PROM2: variants seen among roughly 807,000 people sequenced by gnomAD.
PROM2 encodes prominin 2.
PROM2 carries 90 observed loss-of-function variants against 110.2 expected under a neutral mutation model. That is an observed-to-expected ratio of 0.82 (90% CI 0.69 to 0.97). The LOEUF (loss-of-function observed/expected upper bound fraction) is 0.97. Ranked by LOEUF, PROM2 falls within the 50% of genes least tolerant of loss-of-function variation. The pLI is 0.00. For missense variants in PROM2, 1,009 were observed against 1,074.8 expected, an observed-to-expected ratio of 0.94 and a Z score of 0.86; for synonymous variants, 470 against 467.8, an observed-to-expected ratio of 1.00 and a Z score of -0.06.
Position 95,274,764 on chromosome 2 carries a change from T to TGGACTCCC in PROM2, c.180_187dup (p.Leu63ArgfsTer25). On this transcript the variant is annotated frameshift_variant, in exon 1 of 24. Coordinates refer to ENST00000317620, the MANE Select transcript of PROM2 (RefSeq NM_001165978.3). LOFTEE classifies it high-confidence loss of function. ...CCTCGAGTTCGTGCGCCAGGACTCC[T>TGGACTCCC]GGACTCCCTCTATGGCACCGTGCGC... 6.2e-7 allele frequency: 1 copy of TGGACTCCC among 1,611,410 alleles called. No individual in the cohort carries two copies.
rs1266758147 is a variant in PROM2 at position 95,276,175 on chromosome 2, C to G, written c.497+43C>G. 1.2e-6 allele frequency: 2 copies of G among 1,612,392 alleles called. No individual in the cohort carries two copies. Among genetic ancestry groups the G allele is most frequent in the Non-Finnish European group, 1.7e-6 (2 of 1,179,058 alleles). On this transcript the variant is annotated intron_variant, in intron 3 of 23. Transcript: ENST00000317620. This position sits in a 1 kb window ranked among gnomAD's most constrained non-coding sequence, Gnocchi z 4.6. ...GCCCGGGTAGGGCGGGCTGTGGCCCCCAGGCTCCCTCTTACCCAGCAAGCA... is the reference window on the plus strand; with the variant it reads ...GCCCGGGTAGGGCGGGCTGTGGCCCGCAGGCTCCCTCTTACCCAGCAAGCA...
intron 11 of PROM2, among the ~76,000 whole-genome samples, chr2:95,280,401 A>C (rs1033894202): frequency 6.6e-6 from 1 of 151,948 alleles, no homozygotes; most frequent in Non-Finnish European, 1.5e-5. Flanking sequence ...GCTGAAATCC[A>C]CCCCATGTTT....
rs1187498116 is a variant in PROM2 at position 95,277,948 on chromosome 2, G to A, written c.994G>A (p.Val332Ile). 1 of 1,612,542 alleles carries A rather than the reference G, an allele frequency of 6.2e-7. No homozygotes were observed. Among genetic ancestry groups the A allele is most frequent in the Non-Finnish European group, 8.5e-7 (1 of 1,179,576 alleles). The change falls in exon 8 of 24, where the codon GTC (valine) becomes ATC (isoleucine). Residue 332 changes from valine (V) to isoleucine (I), a missense_variant. Val to Ile is a conservative substitution (Grantham distance 29, BLOSUM62 3). Transcript: ENST00000317620. ...DFSQVPSVDH[V>I]LHQLKGVPEA... ...ATTTCAGGTGCCCTCTGTGGACCAT[G>A]TCCTGCACCAGCTAAAAGGTGTCCC...
intron 18 of PROM2, 43 bp from the exon 19 acceptor site, chr2:95,287,090 G>A: frequency 1.9e-6 from 3 of 1,543,228 alleles, no homozygotes; most frequent in Non-Finnish European, 1.8e-6. Flanking sequence ...ATGAATGGAT[G>A]CGTGAATGTG....
Position 95,275,110 on chromosome 2 carries a change from T to TGGGTTGG in PROM2, c.244+283_244+289dup. On this transcript the variant is annotated intron_variant, in intron 1 of 23. Transcript: ENST00000317620. This position sits in a 1 kb window ranked among gnomAD's most constrained non-coding sequence, Gnocchi z 4.4. ...GACATCCTCTTAGTCTATCGGTGCT[T>TGGGTTGG]GGGTTGGGTGGTCCAGGAGTGTCTG... The TGGGTTGG allele has an allele frequency of 4.2e-6, 2 of 480,874 alleles. No homozygotes were observed. The highest frequency in any genetic ancestry group is 3.6e-6 in the Non-Finnish European group (1 of 276,044). The allele number at this position is 480,874 out of a possible 1,614,324, so 29.8% of individuals were successfully genotyped here. A position where few individuals can be genotyped will look rare whatever the true frequency, so the allele number is the denominator to read the frequency against.
At chr2:95,283,812 C>T (rs866711050) in intron 14 of PROM2, among the ~76,000 whole-genome samples, 1 of 128,270 alleles carries the variant, frequency 7.8e-6, no homozygotes, top group African/African-American at 3.0e-5. Flanking sequence ...CATTCATTCA[C>T]ACAGCTAACA....
Position 95,285,051 on chromosome 2 carries a change from G to A in PROM2, c.1811G>A (p.Arg604Gln), listed in dbSNP as rs752468517. The change falls in exon 15 of 24, where the codon CGG (arginine) becomes CAG (glutamine). Residue 604 changes from arginine to glutamine, a missense_variant. Physicochemically the swap from Arg to Gln is conservative, Grantham distance 43. Transcript: ENST00000317620. ...SLDLLSSAARRDLEALQSSGL... is the reference protein window; with the variant it reads ...SLDLLSSAARQDLEALQSSGL... ...GACCTGCTGAGCTCAGCCGCCCGCC[G>A]GGACCTGGAGGCCCTGCAGAGCAGT... 1.4e-5 allele frequency: 23 copies of A among 1,597,604 alleles called. No homozygotes were observed. Among genetic ancestry groups the A allele is most frequent in the African/African-American group, 6.7e-5 (5 of 74,840 alleles).
In PROM2 at chr2:95,290,678, C is replaced by T. The variant is rs1317721146; in HGVS notation, c.*1465C>T. 1 of 152,202 alleles carries T rather than the reference C, an allele frequency of 6.6e-6. No individual in the cohort carries two copies. The highest frequency in any genetic ancestry group is 1.5e-5 in the Non-Finnish European group (1 of 68,044). The allele number at this position is 152,202 out of a possible 1,614,324, so 9.4% of individuals were successfully genotyped here. A position where few individuals can be genotyped will look rare whatever the true frequency, so the allele number is the denominator to read the frequency against. ...ACAAATGCTCAGTGGATGGAAGCTG[C>T]CTATTATTATTGTCGTTGTTGTTGT... On this transcript the variant is annotated 3_prime_UTR_variant, in exon 24 of 24. Transcript: ENST00000317620.
At chr2:95,285,553 C>A in intron 15 of PROM2, 86 bp from the exon 16 acceptor site, 1 of 1,104,092 alleles carries the variant, frequency 9.1e-7, no homozygotes, top group African/African-American at 1.6e-5. Flanking sequence ...TTTGATAAGA[C>A]TGGGGATTTG....
intron 22 of PROM2, 89 bp from the exon 23 acceptor site, chr2:95,288,844 G>A: frequency 7.4e-7 from 1 of 1,354,354 alleles, no homozygotes; most frequent in Non-Finnish European, 1.1e-6. Context: ...CTTCCGAGGA[G>A]AAACCCTCAG....
Position 95,289,306 on chromosome 2 carries a change from C to G in PROM2, c.*93C>G, listed in dbSNP as rs1011127488. 6.6e-6 allele frequency: 3 copies of G among 456,610 alleles called. No homozygotes were observed. The highest frequency in any genetic ancestry group is 1.2e-5 in the Non-Finnish European group (3 of 247,144). The allele number at this position is 456,610 out of a possible 1,614,324, so 28.3% of individuals were successfully genotyped here. Reference sequence around the variant, plus strand: ...CTTCGGTAGCTCTTGCCCCAGAGCCCAGGCTGGCATCCAGGCCTGGACTGT... The same window carrying G: ...CTTCGGTAGCTCTTGCCCCAGAGCCGAGGCTGGCATCCAGGCCTGGACTGT... On this transcript the variant is annotated 3_prime_UTR_variant, in exon 24 of 24. Coordinates refer to ENST00000317620, the MANE Select transcript of PROM2 (RefSeq NM_001165978.3).
Position 95,281,912 on chromosome 2 carries a change from GCCCCATCCCCAGTTTGCAGACA to G in PROM2, c.1552-7_1566del. ...CCCCGCTCTGTGCCCATTTCTCACT[GCCCCATCCCCAGTTTGCAGACA>G]CCCCAGGGAACCTGCCCCCGTCCAT... On this transcript the variant is annotated splice_acceptor_variant and splice_polypyrimidine_tract_variant and coding_sequence_variant and intron_variant, in exon 13 of 24. Coordinates refer to ENST00000317620, the MANE Select transcript of PROM2 (RefSeq NM_001165978.3). LOFTEE classifies it high-confidence loss of function. 1 of 1,609,558 alleles carries G rather than the reference GCCCCATCCCCAGTTTGCAGACA, an allele frequency of 6.2e-7. No individual in the cohort carries two copies. Among genetic ancestry groups the G allele is most frequent in the Non-Finnish European group, 8.5e-7 (1 of 1,176,136 alleles).
Position 95,286,574 on chromosome 2 carries a change from C to A in PROM2, c.2040+3C>A, listed in dbSNP as rs1327501615. 1 of 1,612,512 alleles carries A rather than the reference C, an allele frequency of 6.2e-7. No homozygotes were observed. The highest frequency in any genetic ancestry group is 8.5e-7 in the Non-Finnish European group (1 of 1,179,514). ...TCGTCCCCCAGCAGAGCCTTGTGGT[C>A]AGTTTGGAGGCCCGGGGAGCCTGGG... On this transcript the variant is annotated splice_donor_region_variant and intron_variant, in intron 17 of 23. Coordinates refer to ENST00000317620, the MANE Select transcript of PROM2 (RefSeq NM_001165978.3).
intron 11 of PROM2, among the ~76,000 whole-genome samples, chr2:95,280,542 G>A (rs1269965277): frequency 6.6e-6 from 1 of 152,244 alleles, no homozygotes; most frequent in Admixed American, 6.5e-5. Context: ...GCCTGGTCAT[G>A]CCAGGTGACC....
intron 16 of PROM2, 65 bp from the exon 17 acceptor site, chr2:95,286,414 T>C (rs1677355830): frequency 9.8e-6 from 14 of 1,424,816 alleles, no homozygotes; most frequent in Non-Finnish European, 1.3e-5. Context: ...TATGTCAGAC[T>C]GAAAGGCTGG....
rs1304799665 is a variant in PROM2 at position 95,278,764 on chromosome 2, A to C, written c.1094A>C (p.Gln365Pro). 1 of 1,614,050 alleles carries C rather than the reference A, an allele frequency of 6.2e-7. No individual in the cohort carries two copies. Among genetic ancestry groups the C allele is most frequent in the Non-Finnish European group, 8.5e-7 (1 of 1,180,018 alleles). The change falls in exon 9 of 24, where the codon CAG becomes CCG. Residue 365 changes from glutamine (Q) to proline (P), a missense_variant. By Grantham distance (76) the Gln-to-Pro change is moderately conservative. Transcript: ENST00000317620. Reference protein sequence around the residue: ...FNALPALAAMQTSSVVQELKK... With the variant: ...FNALPALAAMPTSSVVQELKK... ...GCCCTTCCAGCCCTGGCTGCCATGC[A>C]GACATCCAGCGTGGTGCAAGGTTAG...
chr2:95,281,354 G>A lies in PROM2; in HGVS notation c.1540G>A (p.Glu514Lys), dbSNP rs755114454. 29 of 1,609,490 alleles carry A rather than the reference G, an allele frequency of 1.8e-5. No individual in the cohort carries two copies. In the South Asian group the frequency reaches 2.2e-4, roughly 12 times the overall value. Residue 514 changes from glutamate (E) to lysine (K), a missense_variant, in exon 12 of 24, where the codon GAG becomes AAG. Coordinates refer to ENST00000317620, the MANE Select transcript of PROM2 (RefSeq NM_001165978.3). ...TLVCQSWENG[E>K]LFEFADTPGN... ...GGTGTGCCAGAGCTGGGAGAACGGCGAGCTCTTTGAGGTAGGCCTGTCTCT... is the reference window on the plus strand; with the variant it reads ...GGTGTGCCAGAGCTGGGAGAACGGCAAGCTCTTTGAGGTAGGCCTGTCTCT...
chr2:95,276,458 T>G lies in PROM2; in HGVS notation c.618+111T>G. 6.3e-7 allele frequency: 1 copy of G among 1,591,950 alleles called. No homozygotes were observed. ...ATAACCAGCGCATCTGAAAGCCGCC[T>G]CCTCTCCCGCCCTTGCCTGAGAGTC... is the stretch of plus-strand genomic sequence containing the variant. On this transcript the variant is annotated intron_variant, in intron 4 of 23. Coordinates refer to ENST00000317620, the MANE Select transcript of PROM2 (RefSeq NM_001165978.3). This position sits in a 1 kb window ranked among gnomAD's most constrained non-coding sequence, Gnocchi z 4.6.
rs769389972 is a variant in PROM2, at chr2:95,277,068, T to C, written c.772+7T>C. 19 of 1,549,384 alleles carry C rather than the reference T, an allele frequency of 1.2e-5. No homozygotes were observed. Among genetic ancestry groups the C allele is most frequent in the Non-Finnish European group, 1.7e-5 (19 of 1,146,032 alleles). On this transcript the variant is annotated splice_region_variant and intron_variant, in intron 6 of 23. Transcript: ENST00000317620. Reference sequence around the variant, plus strand: ...GTGGGCAGTTTGGGCCAGGGTGAGCTGGAGCCGCATCCTGGATAGTGTGGA... The same window carrying C: ...GTGGGCAGTTTGGGCCAGGGTGAGCCGGAGCCGCATCCTGGATAGTGTGGA...
Sources: gnomAD v4.1 joint callset for allele counts (sites outside exome capture counted in the v4.1 genomes callset) on GRCh38, gnomAD v4.1.1 for gene constraint, Gnocchi (gnomAD v3.1) non-coding constraint, MANE v1.5 for transcripts, NCBI Gene and HGNC (gene_info 2026-07-23, HGNC 2026-07-21) for gene names.